AP3B1: variants seen among roughly 807,000 people sequenced by gnomAD.
AP3B1 encodes adaptor related protein complex 3 subunit beta 1.
Under a neutral mutation model 132.5 loss-of-function variants are expected in AP3B1, and 61 were observed. The observed-to-expected ratio is 0.46, with a 90% CI of 0.37 to 0.57. The LOEUF is 0.57. Among genes scored for constraint, AP3B1 ranks in the 20% least tolerant of loss-of-function variants. The pLI is 0.00. For missense variants in AP3B1, 1,120 were observed against 1,289.4 expected, an observed-to-expected ratio of 0.87 and a Z score of 2.01; for synonymous variants, 388 against 438.3, an observed-to-expected ratio of 0.89 and a Z score of 1.43.
intron 2 of AP3B1, among the ~76,000 whole-genome samples, chr5:78,255,092 C>G (rs907381388): frequency 1.3e-5 from 2 of 151,324 alleles, no homozygotes; most frequent in African/African-American, 4.9e-5. Context: ...CAAAAACATA[C>G]AAGATATATA....
intron 26 of AP3B1, among the ~76,000 whole-genome samples, chr5:78,009,042 T>C (rs1048119027): frequency 1.3e-5 from 2 of 152,184 alleles, no homozygotes; most frequent in Non-Finnish European, 2.9e-5. Flanking sequence ...GTGAAGGAGC[T>C]ACACATTATA....
At chr5:78,180,031 G>A (rs1744303196) in intron 8 of AP3B1, among the ~76,000 whole-genome samples, 1 of 152,104 alleles carries the variant, frequency 6.6e-6, no homozygotes, top group Admixed American at 6.5e-5. Flanking sequence ...CTAGTTAAAT[G>A]AACAGTGAGT....
chr5:78,240,573 CA>C (rs1193380295), intron 3 of AP3B1, among the ~76,000 whole-genome samples: 2 of 152,060 alleles, frequency 1.3e-5, no homozygotes, highest in African/African-American at 4.8e-5. Context: ...GTCCCTGGAA[CA>C]AAATTTAAAC....
intron 22 of AP3B1, among the ~76,000 whole-genome samples, chr5:78,079,105 A>T (rs1316365677): frequency 6.6e-6 from 1 of 152,214 alleles, no homozygotes; most frequent in African/African-American, 2.4e-5. Flanking sequence ...GGCTTTGCCA[A>T]AGGCAAATCC....
intron 1 of AP3B1, among the ~76,000 whole-genome samples, chr5:78,279,888 AATATATATATATGACTTAAATATAT>A (rs1748971650): frequency 7.1e-6 from 1 of 139,956 alleles, no homozygotes; most frequent in African/African-American, 2.7e-5. Context: ...ATATGACTTA[AATATATATATATGACTTAAATATAT>A]ATATATATAT....
intron 17 of AP3B1, among the ~76,000 whole-genome samples, chr5:78,126,266 A>G (rs1182610648): frequency 6.6e-6 from 1 of 152,114 alleles, no homozygotes; most frequent in Non-Finnish European, 1.5e-5. Context: ...GCACTTTGGT[A>G]GGCTGAGGCG....
intron 7 of AP3B1, among the ~76,000 whole-genome samples, chr5:78,190,615 T>A (rs1274352031): frequency 3.3e-5 from 5 of 152,196 alleles, no homozygotes; most frequent in Non-Finnish European, 7.3e-5. Context: ...TCTATGACCA[T>A]GACAAATCAC....
intron 22 of AP3B1, among the ~76,000 whole-genome samples, chr5:78,050,346 A>C (rs182088593): frequency 3.3e-5 from 5 of 152,152 alleles, no homozygotes; most frequent in Non-Finnish European, 7.4e-5. Flanking sequence ...TGCTCAATGT[A>C]TTAAACTTAA....
chr5:78,045,392 A>C (rs1352146515), intron 22 of AP3B1, among the ~76,000 whole-genome samples: 1 of 151,690 alleles, frequency 6.6e-6, no homozygotes, highest in Admixed American at 6.6e-5. Flanking sequence ...AAAAAAAAAA[A>C]AAAAAAAACA....
At position 78,193,342 on chromosome 5, in the gene AP3B1, C is replaced by T. The variant is rs368966453; in HGVS notation, c.787-11680G>A. Among the ~76,000 whole-genome samples the T allele has an allele frequency of 1.3e-4, 20 of 152,052 alleles. 4 individuals are homozygous for T. Among genetic ancestry groups the T allele is most frequent in the East Asian group, 1.2e-3 (6 of 5,174 alleles). ...TAATCATTCTTATTTAACATGTTAA[C>T]TATATGATGAAATGAATTTTACTTT... On this transcript the variant is annotated intron_variant, in intron 7 of 26. Coordinates refer to ENST00000255194, the MANE Select transcript of AP3B1 (RefSeq NM_003664.5).
intron 1 of AP3B1, among the ~76,000 whole-genome samples, chr5:78,277,858 C>CT (rs1275563137): frequency 6.6e-6 from 1 of 152,182 alleles, no homozygotes; most frequent in Non-Finnish European, 1.5e-5. Flanking sequence ...AAGCATATAT[C>CT]TTCCATGTCT....
rs745547790 is a variant in AP3B1 at position 78,294,620 on chromosome 5, G to T, written c.-41C>A. ...GGGTGCGGGGTTGGTCCTGCCGGGG[G>T]TTCTCTCCAAAAGGTTCCAGTCCAG... On this transcript the variant is annotated 5_prime_UTR_variant, in exon 1 of 27. Coordinates refer to ENST00000255194, the MANE Select transcript of AP3B1 (RefSeq NM_003664.5). 6.2e-7 allele frequency: 1 copy of T among 1,612,860 alleles called. No homozygotes were observed. The highest frequency in any genetic ancestry group is 8.5e-7 in the Non-Finnish European group (1 of 1,179,932).
intron 2 of AP3B1, among the ~76,000 whole-genome samples, chr5:78,252,901 C>T (rs950831282): frequency 2.6e-5 from 4 of 152,240 alleles, no homozygotes; most frequent in South Asian, 2.1e-4. Flanking sequence ...AGCCAAGAAG[C>T]GGTTACAGCA....
At chr5:78,250,762 G>A (rs182562570) in intron 2 of AP3B1, among the ~76,000 whole-genome samples, 3 of 152,098 alleles carry the variant, frequency 2.0e-5, no homozygotes, top group African/African-American at 7.2e-5. Context: ...GAGATTTGAG[G>A]GGATGTGGCA....
intron 7 of AP3B1, among the ~76,000 whole-genome samples, chr5:78,215,384 G>C (rs1291026861): frequency 6.6e-6 from 1 of 151,510 alleles, no homozygotes; most frequent in Non-Finnish European, 1.5e-5. Context: ...TTAATTACAA[G>C]TTATATGATA....
intron 17 of AP3B1, among the ~76,000 whole-genome samples, chr5:78,127,343 A>G (rs896690048): frequency 2.0e-5 from 3 of 152,186 alleles, no homozygotes; most frequent in Non-Finnish European, 4.4e-5. Context: ...TATATTTTGC[A>G]TAATTGCTAA....
intron 21 of AP3B1, 34 bp from the exon 22 acceptor site, chr5:78,089,533 T>A (rs374354133): frequency 1.5e-6 from 2 of 1,345,298 alleles, no homozygotes; most frequent in South Asian, 2.3e-5. Context: ...TAAATGTGCA[T>A]GAACGTTTAA....
chr5:78,162,826 G>T lies in AP3B1; in HGVS notation c.1356C>A (p.Asn452Lys). 6.2e-7 allele frequency: 1 copy of T among 1,613,878 alleles called. No homozygotes were observed. Among genetic ancestry groups the T allele is most frequent in the African/African-American group, 1.3e-5 (1 of 75,036 alleles). Reference protein sequence around the residue: ...CLNGLVCLLSNRDEIVVAESV... With the variant: ...CLNGLVCLLSKRDEIVVAESV... Reference sequence around the variant, plus strand: ...ATGAAACTGTAAACTTACCATCCCTGTTGGACAGCAGACAGACCAAGCCAT... The same window carrying T: ...ATGAAACTGTAAACTTACCATCCCTTTTGGACAGCAGACAGACCAAGCCAT... Residue 452 changes from asparagine to lysine, a missense_variant, in exon 13 of 27, where the codon AAC becomes AAA. This residue lies in a region of AP3B1 where 906 missense variants were observed against 997.1 expected (regional missense o/e 0.91). Coordinates refer to ENST00000255194, the MANE Select transcript of AP3B1 (RefSeq NM_003664.5).
intron 9 of AP3B1, 96 bp from the exon 10 acceptor site, chr5:78,175,934 A>C: frequency 3.1e-6 from 3 of 971,258 alleles, no homozygotes; most frequent in Non-Finnish European, 5.0e-6. Flanking sequence ...CAATAATTTC[A>C]AGTGAATGAG....
Sources: gnomAD v4.1 joint callset for allele counts (sites outside exome capture counted in the v4.1 genomes callset) on GRCh38, gnomAD v4.1.1 for gene constraint, gnomAD v4.1.1 regional missense constraint, MANE v1.5 for transcripts, NCBI Gene and HGNC (gene_info 2026-07-23, HGNC 2026-07-21) for gene names.